The following LARP4B variants were observed in gnomAD, a reference collection of about 807,000 sequenced individuals.
LARP4B encodes the protein La ribonucleoprotein 4B, also known as la-related protein 4B.
LARP4B carries 12 observed loss-of-function variants against 89.8 expected under a neutral mutation model. The ratio of observed to expected loss-of-function variants is 0.13; its 90% CI spans 0.09 to 0.22. The LOEUF (loss-of-function observed/expected upper bound fraction) is 0.22. LARP4B is among the 10% of genes least tolerant of loss of function. The pLI, the probability that LARP4B is intolerant of heterozygous loss-of-function variation, is 1.00. For missense variants in LARP4B, 757 were observed against 947.7 expected (o/e 0.80, Z 2.64); for synonymous variants, 367 against 363.3 (o/e 1.01, Z -0.12).
the LARP4B span, among the ~76,000 whole-genome samples, chr10:980,214 G>C: frequency 3.3e-5 from 5 of 152,206 alleles, no homozygotes. Context: ...GCAGGGTTCA[G>C]CCCCCTGGGC....
At chr10:819,384 T>G (rs1832223875) in intron 14 of LARP4B, 1 of 152,252 alleles carries the variant, frequency 6.6e-6, no homozygotes, top group South Asian at 2.1e-4. Flanking sequence ...CTCTAGGATC[T>G]GAGCACCTCT....
intron 17 of LARP4B, 99 bp from the exon 18 acceptor site, chr10:813,312 A>T: frequency 8.1e-7 from 1 of 1,239,494 alleles, no homozygotes; most frequent in South Asian, 1.6e-5. Flanking sequence ...TTCAACTGTA[A>T]CTAAGTTTCC....
intron 15 of LARP4B, among the ~76,000 whole-genome samples, chr10:816,676 G>A (rs972603649): frequency 6.6e-6 from 1 of 152,268 alleles, no homozygotes; most frequent in Admixed American, 6.5e-5. Flanking sequence ...TCTTCTCAAG[G>A]CACTAATACC....
At chr10:834,111 A>G (rs1187674965) in intron 8 of LARP4B, among the ~76,000 whole-genome samples, 1 of 152,188 alleles carries the variant, frequency 6.6e-6, no homozygotes, top group African/African-American at 2.4e-5. Flanking sequence ...AAACAGGGCC[A>G]TTCCATAAAA....
At chr10:878,920 T>C (rs1164583759) in intron 3 of LARP4B, among the ~76,000 whole-genome samples, 3 of 152,246 alleles carry the variant, frequency 2.0e-5, no homozygotes, top group Non-Finnish European at 2.9e-5. Context: ...ATAAAATTAC[T>C]AATTTTTTTA....
intron 3 of LARP4B, 97 bp from the exon 4 acceptor site, chr10:864,367 C>T: frequency 8.5e-7 from 1 of 1,174,214 alleles, no homozygotes; most frequent in Non-Finnish European, 1.2e-6. Context: ...ATATAGGCTC[C>T]AAAGGCTCAG....
Position 809,856 on chromosome 10 carries a change from C to T in LARP4B, c.*3070G>A, listed in dbSNP as rs372965838. 7 of 152,658 alleles carry T rather than the reference C, an allele frequency of 4.6e-5. No individual in the cohort carries two copies. Among genetic ancestry groups the T allele is most frequent in the East Asian group, 3.9e-4 (2 of 5,192 alleles). 9.5% of individuals were successfully genotyped at this position (152,658 alleles called of 1,614,324 possible). ...GCATGCACCACCACTACCCGTCGCC[C>T]GGATACACTGAACTGGTTTTGAAGC... On this transcript the variant is annotated 3_prime_UTR_variant, in exon 18 of 18. Transcript: ENST00000316157.
intron 3 of LARP4B, among the ~76,000 whole-genome samples, chr10:868,355 T>C (rs1044275639): frequency 3.5e-5 from 5 of 142,112 alleles, no homozygotes; most frequent in African/African-American, 1.1e-4. Flanking sequence ...AATGGAGTAA[T>C]AGCTGCTATA....
the LARP4B span, among the ~76,000 whole-genome samples, chr10:977,697 C>G: frequency 1.3e-5 from 2 of 152,286 alleles, no homozygotes; most frequent in Admixed American, 6.5e-5. Context: ...ATATCATTTA[C>G]ATTGTATTAG....
At chr10:886,813 G>A (rs1297888973) in intron 1 of LARP4B, among the ~76,000 whole-genome samples, 2 of 152,138 alleles carry the variant, frequency 1.3e-5, no homozygotes, top group Admixed American at 1.3e-4. Context: ...ACTACCGCCG[G>A]GCACAGTGGC....
chr10:901,126 G>C (rs1380173364), intron 1 of LARP4B, among the ~76,000 whole-genome samples: 1 of 76,364 alleles, frequency 1.3e-5, no homozygotes, highest in East Asian at 2.8e-4. Context: ...TCACCATGTT[G>C]GCCTGGTTTC....
At chr10:906,976 C>G (rs147529866) in intron 1 of LARP4B, among the ~76,000 whole-genome samples, 1 of 152,172 alleles carries the variant, frequency 6.6e-6, no homozygotes, top group Admixed American at 6.5e-5. Flanking sequence ...GCGAGGGACT[C>G]GCAACTGAAA....
chr10:907,180 T>C (rs1588979660), intron 1 of LARP4B, among the ~76,000 whole-genome samples: 1 of 152,236 alleles, frequency 6.6e-6, no homozygotes, highest in African/African-American at 2.4e-5. Flanking sequence ...GAAATATGTC[T>C]ACCCTGTTCA....
the LARP4B span, among the ~76,000 whole-genome samples, chr10:936,835 G>A: frequency 6.6e-6 from 1 of 152,140 alleles, no homozygotes; most frequent in South Asian, 2.1e-4. Flanking sequence ...ACACAATAAG[G>A]AACTGGCCTA....
At chr10:901,445 ATTTT>A (rs1464966134) in intron 1 of LARP4B, among the ~76,000 whole-genome samples, 1 of 152,212 alleles carries the variant, frequency 6.6e-6, no homozygotes, top group African/African-American at 2.4e-5. Context: ...AGGGCAGATT[ATTTT>A]ATGTTCCTTC....
the LARP4B span, among the ~76,000 whole-genome samples, chr10:963,479 G>A: frequency 9.9e-5 from 15 of 152,200 alleles, no homozygotes; most frequent in Non-Finnish European, 1.8e-4. Context: ...GGGCATTTGC[G>A]TGTTCTCCTG....
chr10:875,291 C>T (rs1369498650), intron 3 of LARP4B, among the ~76,000 whole-genome samples: 1 of 152,136 alleles, frequency 6.6e-6, no homozygotes, highest in Non-Finnish European at 1.5e-5. Flanking sequence ...TAAAATGGAG[C>T]CAACACCGAC....
At chr10:916,019 C>T (rs979577037) in intron 1 of LARP4B, among the ~76,000 whole-genome samples, 6 of 151,908 alleles carry the variant, frequency 3.9e-5, no homozygotes, top group Non-Finnish European at 5.9e-5. Context: ...CCTGGAAGTC[C>T]GAGAGAGACC....
intron 1 of LARP4B, among the ~76,000 whole-genome samples, chr10:893,950 G>A (rs1836113858): frequency 6.6e-6 from 1 of 152,212 alleles, no homozygotes; most frequent in Non-Finnish European, 1.5e-5. Context: ...TCAAGCTGCT[G>A]TTCCTCGATG....
Sources: allele counts gnomAD v4.1 joint callset (sites outside exome capture counted in the v4.1 genomes callset), GRCh38; gene constraint gnomAD v4.1.1; transcripts MANE v1.5; gene names NCBI Gene and HGNC (gene_info 2026-07-23, HGNC 2026-07-21).